Variants in CREB1 observed in about 807,000 individuals in gnomAD.
CREB1 encodes the protein cAMP responsive element binding protein 1.
A neutral mutation model predicts 42.0 loss-of-function variants in CREB1; 2 were observed. The observed-to-expected ratio is 0.05, with a 90% CI of 0.02 to 0.15. The LOEUF is 0.15. CREB1 is among the 10% of genes least tolerant of loss of function. The probability of loss-of-function intolerance (pLI) is 1.00; values close to 1 mark genes in which losing one functional copy is unlikely to be tolerated. For missense variants in CREB1, 199 were observed against 388.9 expected (o/e 0.51, Z 4.11); for synonymous variants, 123 against 139.9 (o/e 0.88, Z 0.85).
At chr2:207,587,358 A>C (rs2106635372) in intron 7 of CREB1, among the ~76,000 whole-genome samples, 1 of 151,566 alleles carries the variant, frequency 6.6e-6, no homozygotes, top group South Asian at 2.1e-4. Flanking sequence ...GCACCACCGC[A>C]CTACAGCCTG....
chr2:207,576,512 A>G (rs2082606358), intron 6 of CREB1: 1 of 282,316 alleles, frequency 3.5e-6, no homozygotes. Flanking sequence ...GGAGAGAGTC[A>G]TAACTTATTT....
chr2:207,595,098 T>C (rs2709362), intron 7 of CREB1, among the ~76,000 whole-genome samples: 127,379 of 150,838 alleles, frequency 0.84, 53,963 homozygotes, highest in East Asian at 1. Flanking sequence ...CGGGTTTAAG[T>C]GATTCTCCTG....
At chr2:207,561,264 A>G (rs1325193782) in intron 3 of CREB1, 11 of 1,014,452 alleles carry the variant, frequency 1.1e-5, no homozygotes, top group African/African-American at 6.5e-5. Flanking sequence ...TGGAATTTCA[A>G]CACTTGAACA....
intron 1 of CREB1, among the ~76,000 whole-genome samples, chr2:207,553,450 T>C (rs1490105210): frequency 6.6e-6 from 1 of 152,232 alleles, no homozygotes; most frequent in East Asian, 1.9e-4. Context: ...TTGCAAAATA[T>C]AACTCAGTGA....
intron 1 of CREB1, chr2:207,550,682 T>C (rs531219693): frequency 3.9e-5 from 6 of 152,212 alleles, no homozygotes; most frequent in African/African-American, 1.4e-4. Context: ...ATTTGTAATT[T>C]GATGAAGATT....
At position 207,599,947 on chromosome 2, in the gene CREB1, G is replaced by A. The variant is rs548266051; in HGVS notation, c.*2889G>A. On this transcript the variant is annotated 3_prime_UTR_variant, in exon 8 of 8. Coordinates refer to ENST00000353267, the MANE Select transcript of CREB1 (RefSeq NM_004379.5). ...ATATTGCTCACTTTGCAAATATAGG[G>A]CCATGTGGCACTTTTATCTATAGGA... 1 of 193,212 alleles carries A rather than the reference G, an allele frequency of 5.2e-6. No homozygotes were observed. The highest frequency in any genetic ancestry group is 1.9e-4 in the South Asian group (1 of 5,184). The allele number at this position is 193,212 out of a possible 1,614,324, so 12.0% of individuals were successfully genotyped here.
chr2:207,576,241 C>CTTTTTTTTTTTTTTTTTTGT (rs35735523), intron 6 of CREB1, among the ~76,000 whole-genome samples: 317 of 100,998 alleles, frequency 3.1e-3, no homozygotes, highest in Non-Finnish European at 3.9e-3. Context: ...CTTTTTTTGG[C>CTTTTTTTTTTTTTTTTTTGT]TTTTTTTTTT....
intron 7 of CREB1, among the ~76,000 whole-genome samples, chr2:207,587,121 T>C (rs1213999629): frequency 1.3e-5 from 2 of 151,902 alleles, no homozygotes; most frequent in Admixed American, 6.5e-5. Flanking sequence ...GGGCCAGGCG[T>C]GGTGGCTCAC....
chr2:207,541,827 A>C (rs574717371), intron 1 of CREB1, among the ~76,000 whole-genome samples: 68 of 152,292 alleles, frequency 4.5e-4, no homozygotes, highest in African/African-American at 1.6e-3. Context: ...AAATCTACAC[A>C]TCTCCTCTCA....
At chr2:207,552,313 A>G (rs962955779) in intron 1 of CREB1, among the ~76,000 whole-genome samples, 2 of 152,142 alleles carry the variant, frequency 1.3e-5, no homozygotes, top group African/African-American at 4.8e-5. Flanking sequence ...AAAAGTTGTA[A>G]TGGTGTTCTA....
intron 4 of CREB1, 149 bp downstream of exon 4, chr2:207,567,712 G>A (rs1308113927): frequency 2.0e-6 from 1 of 511,568 alleles, no homozygotes; most frequent in Non-Finnish European, 3.5e-6. Context: ...AAATAAAGTG[G>A]AAGCTTATCC....
chr2:207,548,895 A>AT (rs2081396412), intron 1 of CREB1, among the ~76,000 whole-genome samples: 2 of 152,092 alleles, frequency 1.3e-5, no homozygotes, highest in Non-Finnish European at 2.9e-5. Context: ...GCTTGCTTTT[A>AT]TTTTTGTCAT....
Position 207,575,356 on chromosome 2 carries a change from A to G in CREB1, c.590A>G (p.Asn197Ser), listed in dbSNP as rs759480104. 7 of 1,614,154 alleles carry G rather than the reference A, an allele frequency of 4.3e-6. No individual in the cohort carries two copies. The highest frequency in any genetic ancestry group is 2.2e-5 in the East Asian group (1 of 44,876). Residue 197 changes from asparagine (N) to serine (S), a missense_variant, in exon 6 of 8, where the codon AAT becomes AGT. Physicochemically the swap from Asn to Ser is conservative, Grantham distance 46. This residue lies in a region of CREB1 where 66 missense variants were observed against 88.1 expected (regional missense o/e 0.75). Coordinates refer to ENST00000353267, the MANE Select transcript of CREB1 (RefSeq NM_004379.5). The stretch of plus-strand genomic sequence containing the variant: ...GGCCTGCAAACATTAACCATGACCA[A>G]TGCAGCAGCCACTCAGCCGGGTACT... ...VQGLQTLTMTNAAATQPGTTI... is the reference protein window; with the variant it reads ...VQGLQTLTMTSAAATQPGTTI...
chr2:207,540,669 T>TAAAAAAAAAAAAAAAAAAA (rs35714520), intron 1 of CREB1, among the ~76,000 whole-genome samples: 33 of 64,246 alleles, frequency 5.1e-4, no homozygotes, highest in South Asian at 7.5e-4. Flanking sequence ...GTTTAAAAAG[T>TAAAAAAAAAAAAAAAAAAA]AAAAAAAAAA....
intron 4 of CREB1, among the ~76,000 whole-genome samples, chr2:207,569,602 CTTA>C (rs1289030833): frequency 5.9e-5 from 9 of 151,512 alleles, no homozygotes; most frequent in African/African-American, 1.7e-4. Context: ...TGTAGTCAGT[CTTA>C]TTATTACCCT....
At chr2:207,569,097 A>G (rs1206174814) in intron 4 of CREB1, among the ~76,000 whole-genome samples, 1 of 152,008 alleles carries the variant, frequency 6.6e-6, no homozygotes, top group Non-Finnish European at 1.5e-5. Context: ...CATTATTTGG[A>G]TGTACCATAG....
At chr2:207,577,250 T>C (rs2082631227) in intron 6 of CREB1, 7 of 1,076,766 alleles carry the variant, frequency 6.5e-6, no homozygotes, top group Non-Finnish European at 8.4e-6. Flanking sequence ...AACAACAGAA[T>C]AGAACTGCAT....
rs570632535 is a variant in CREB1, at chr2:207,596,069, AGT to A, written c.840-842_840-841del. On this transcript the variant is annotated intron_variant, in intron 7 of 7. Coordinates refer to ENST00000353267, the MANE Select transcript of CREB1 (RefSeq NM_004379.5). Reference sequence around the variant, plus strand: ...ATTACTGCCAAATCCAATGTCAGAGAGTGTTTTCTTCTAGAAGTTTTATAGTT... The same window carrying A: ...ATTACTGCCAAATCCAATGTCAGAGAGTTTTCTTCTAGAAGTTTTATAGTT... Among the ~76,000 whole-genome samples, 39 of 152,234 alleles carry A rather than the reference AGT, an allele frequency of 2.6e-4. No homozygotes were observed. In the South Asian group the frequency reaches 8.1e-3, roughly 32 times the overall value.
chr2:207,578,252 CAG>C (rs2082671688), intron 7 of CREB1, among the ~76,000 whole-genome samples: 1 of 152,028 alleles, frequency 6.6e-6, no homozygotes, highest in African/African-American at 2.4e-5. Flanking sequence ...AAGCAATTCT[CAG>C]AAAGTAACTT....
Sources: gnomAD v4.1 joint callset for allele counts (sites outside exome capture counted in the v4.1 genomes callset) on GRCh38, gnomAD v4.1.1 for gene constraint, gnomAD v4.1.1 regional missense constraint, MANE v1.5 for transcripts, NCBI Gene and HGNC (gene_info 2026-07-23, HGNC 2026-07-21) for gene names.